Variants in CRACDL observed in about 807,000 individuals in gnomAD.
CRACDL encodes CRACD like.
A neutral mutation model predicts 70.6 loss-of-function variants in CRACDL; 26 were observed. The ratio of observed to expected loss-of-function variants is 0.37; its 90% CI spans 0.27 to 0.51. The LOEUF (loss-of-function observed/expected upper bound fraction) is 0.51, where lower values mean the gene tolerates loss of function less well. Ranked by LOEUF, CRACDL falls within the 20% of genes least tolerant of loss-of-function variation. The pLI is 0.94. For missense variants in CRACDL, 1,283 were observed against 1,376.9 expected (o/e 0.93, Z 1.08); for synonymous variants, 618 against 615.2 (o/e 1.00, Z -0.07).
intron 1 of CRACDL, among the ~76,000 whole-genome samples, chr2:98,875,973 T>C (rs1707479808): frequency 6.6e-6 from 1 of 152,150 alleles, no homozygotes; most frequent in African/African-American, 2.4e-5. Context: ...TGCTTTCCTC[T>C]TGGTCAGCTC....
intron 1 of CRACDL, among the ~76,000 whole-genome samples, chr2:98,875,282 G>A (rs971528274): frequency 6.6e-6 from 1 of 152,200 alleles, no homozygotes; most frequent in African/African-American, 2.4e-5. Flanking sequence ...TTGGCTGCTG[G>A]CTCAGGTTTT....
At chr2:98,834,163 C>T (rs956399357) in intron 3 of CRACDL, among the ~76,000 whole-genome samples, 4 of 152,240 alleles carry the variant, frequency 2.6e-5, no homozygotes, top group African/African-American at 7.2e-5. Context: ...ATGGCCCACA[C>T]TCTCTGGGAA....
intron 1 of CRACDL, among the ~76,000 whole-genome samples, chr2:98,863,338 C>T (rs369964733): frequency 3.9e-5 from 6 of 152,102 alleles, no homozygotes; most frequent in African/African-American, 1.4e-4. Context: ...TAAGACATTC[C>T]CAAATAAATA....
chr2:98,808,715 C>T (rs1704426456), intron 7 of CRACDL, among the ~76,000 whole-genome samples: 1 of 152,230 alleles, frequency 6.6e-6, no homozygotes, highest in Admixed American at 6.5e-5. Context: ...GCCTGGGACA[C>T]TTCCTACTTG....
Position 98,819,117 on chromosome 2 carries a change from AT to A in CRACDL, c.2416+2739del, listed in dbSNP as rs201411053. 3.7e-3 allele frequency among the ~76,000 whole-genome samples: 561 copies of A among 152,350 alleles called. 6 individuals carry two copies. The highest frequency in any genetic ancestry group is 0.013 in the African/African-American group (524 of 41,592). On this transcript the variant is annotated intron_variant, in intron 7 of 9. Transcript: ENST00000397899. ...ATAAGCAAAGCTGTTAATAAAAAAAATACTCTATTACATTTTATAAATCAAA... is the reference window on the plus strand; with the variant it reads ...ATAAGCAAAGCTGTTAATAAAAAAAAACTCTATTACATTTTATAAATCAAA...
chr2:98,837,551 G>A (rs1394742817), intron 3 of CRACDL, among the ~76,000 whole-genome samples: 1 of 152,094 alleles, frequency 6.6e-6, no homozygotes, highest in East Asian at 1.9e-4. Flanking sequence ...CATATGTACT[G>A]TAACTATATT....
intron 7 of CRACDL, 70 bp from the exon 8 acceptor site, chr2:98,797,607 T>C (rs2104395535): frequency 6.9e-7 from 1 of 1,445,198 alleles, no homozygotes; most frequent in Non-Finnish European, 9.6e-7. Context: ...TTGTGTCTCC[T>C]GCACAGAGAA....
intron 7 of CRACDL, among the ~76,000 whole-genome samples, chr2:98,812,182 C>T (rs1704595060): frequency 6.6e-6 from 1 of 152,168 alleles, no homozygotes; most frequent in Non-Finnish European, 1.5e-5. Flanking sequence ...ACCATGTTGG[C>T]CATGCTGGTC....
At chr2:98,838,359 G>T in intron 2 of CRACDL, 72 bp from the exon 3 acceptor site, 2 of 810,446 alleles carry the variant, frequency 2.5e-6, no homozygotes, top group Non-Finnish European at 1.9e-6. Context: ...TATGCAACAG[G>T]CACGTAAAAG....
intron 1 of CRACDL, among the ~76,000 whole-genome samples, chr2:98,922,431 T>A (rs1266187124): frequency 1.6e-5 from 2 of 121,752 alleles, no homozygotes; most frequent in Non-Finnish European, 3.3e-5. Context: ...AGAGCAAGAC[T>A]CCGTCTCAAA....
chr2:98,819,815 CTTTTT>C (rs34640405), intron 7 of CRACDL, among the ~76,000 whole-genome samples: 3 of 99,026 alleles, frequency 3.0e-5, no homozygotes, highest in African/African-American at 8.6e-5. Context: ...CTGAAACATT[CTTTTT>C]TTTTTTTTTT....
intron 1 of CRACDL, among the ~76,000 whole-genome samples, chr2:98,884,386 T>A (rs1261891875): frequency 1.3e-5 from 2 of 152,172 alleles, no homozygotes; most frequent in South Asian, 2.1e-4. Context: ...AGAAGAAACA[T>A]GCAGGGCTGG....
At chr2:98,867,090 T>C (rs1707176486) in intron 1 of CRACDL, among the ~76,000 whole-genome samples, 1 of 152,162 alleles carries the variant, frequency 6.6e-6, no homozygotes, top group Admixed American at 6.5e-5. Flanking sequence ...TGAGGGCATC[T>C]AGAGAGAATG....
intron 7 of CRACDL, among the ~76,000 whole-genome samples, chr2:98,807,174 A>C (rs1160394460): frequency 6.6e-6 from 1 of 152,198 alleles, no homozygotes; most frequent in Admixed American, 6.5e-5. Flanking sequence ...GTCCTTGGCC[A>C]ATATGTAACA....
At position 98,864,615 on chromosome 2, in the gene CRACDL, C is replaced by T. The variant is rs1395845299; in HGVS notation, c.-10-17805G>A. On this transcript the variant is annotated intron_variant, in intron 1 of 9. Transcript: ENST00000397899. Reference sequence around the variant, plus strand: ...AGGTTTGAGTGCAGCGGCACGATCTCGGCTCACTGCAACCTCCGCCTCCTA... The same window carrying T: ...AGGTTTGAGTGCAGCGGCACGATCTTGGCTCACTGCAACCTCCGCCTCCTA... Among the ~76,000 whole-genome samples the T allele has an allele frequency of 6.0e-5, 9 of 151,084 alleles. No homozygotes were observed. The South Asian group carries it at 1.7e-3, about 28-fold the overall frequency.
intron 3 of CRACDL, among the ~76,000 whole-genome samples, chr2:98,834,055 C>G (rs1705663998): frequency 6.6e-6 from 1 of 152,220 alleles, no homozygotes; most frequent in Non-Finnish European, 1.5e-5. Flanking sequence ...AGGGAGGGAA[C>G]TACGCCAACT....
rs1258196637 is a variant in CRACDL at position 98,802,733 on chromosome 2, C to T, written c.2417-5196G>A. Among the ~76,000 whole-genome samples, 4 of 152,348 alleles carry T rather than the reference C, an allele frequency of 2.6e-5. No individual in the cohort carries two copies. In the East Asian group the frequency reaches 5.8e-4, roughly 22 times the overall value. ...GGGACCCCAATGGTGGGCCACACCC[C>T]GTATGACACTAGGGATGCAGCTGTT... On this transcript the variant is annotated intron_variant, in intron 7 of 9. Transcript: ENST00000397899.
intron 6 of CRACDL, 64 bp downstream of exon 6, chr2:98,826,911 G>GA: frequency 1.6e-6 from 2 of 1,285,258 alleles, no homozygotes; most frequent in Non-Finnish European, 2.2e-6. Flanking sequence ...CAGGTTGGGG[G>GA]GGGGCATAGG....
chr2:98,893,352 C>T (rs963245503), intron 1 of CRACDL, among the ~76,000 whole-genome samples: 22 of 152,110 alleles, frequency 1.4e-4, no homozygotes, highest in African/African-American at 5.3e-4. Flanking sequence ...GATGCGATCT[C>T]AGTTCACTAC....
Sources: gnomAD v4.1 joint callset for allele counts (sites outside exome capture counted in the v4.1 genomes callset) on GRCh38, gnomAD v4.1.1 for gene constraint, MANE v1.5 for transcripts, NCBI Gene and HGNC (gene_info 2026-07-23, HGNC 2026-07-21) for gene names.